Variants in KIR2DL4 observed in about 807,000 individuals in gnomAD.
KIR2DL4 encodes the protein killer cell immunoglobulin like receptor, two Ig domains and long cytoplasmic tail 4.
KIR2DL4 carries 41 observed loss-of-function variants against 31.0 expected under a neutral mutation model. That is an observed-to-expected ratio of 1.32 (90% CI 1.03 to 1.72). The LOEUF is 1.72. Among genes scored for constraint, KIR2DL4 ranks in the 40% most tolerant of loss-of-function variants. KIR2DL4 has a pLI of 0.00. For synonymous variants in KIR2DL4, 164 were observed against 133.6 expected (o/e 1.23, Z -1.57); for missense variants, 438 against 353.7 (o/e 1.24, Z -1.91).
At chr19:54,805,873 GT>G (rs2060486182) in intron 3 of KIR2DL4, 77 bp from the exon 4 acceptor site, 5 of 1,315,164 alleles carry the variant, frequency 3.8e-6, no homozygotes, top group Non-Finnish European at 5.3e-6. Flanking sequence ...GAGCAGGGCA[GT>G]GAGTTCTCAG....
intron 4 of KIR2DL4, among the ~76,000 whole-genome samples, chr19:54,808,437 C>A (rs2060655889): frequency 6.6e-6 from 1 of 151,106 alleles, no homozygotes; most frequent in South Asian, 2.1e-4. Flanking sequence ...GTTTTCCCTG[C>A]ACCATTTATT....
At chr19:54,811,674 A>G (rs2060876943) in intron 5 of KIR2DL4, among the ~76,000 whole-genome samples, 1 of 151,018 alleles carries the variant, frequency 6.6e-6, no homozygotes, top group Admixed American at 6.6e-5. Flanking sequence ...CCCCCACCTC[A>G]CCCCTACTTC....
At chr19:54,806,111 C>A in exon 4 of KIR2DL4, 3 of 1,612,184 alleles carry the variant, frequency 1.9e-6, no homozygotes, top group Non-Finnish European at 2.5e-6. Flanking sequence ...TGCCCAGCAT[C>A]AATGGAACAT....
intron 1 of KIR2DL4, 52 bp from the exon 2 acceptor site, chr19:54,803,839 A>T (rs1421876360): frequency 6.3e-7 from 1 of 1,582,906 alleles, no homozygotes; most frequent in Non-Finnish European, 8.7e-7. Context: ...GCTCAGGAGG[A>T]AAGGGTAGGT....
rs1451704730 is a variant in KIR2DL4, at chr19:54,814,307, G to A, written c.*507G>A. 42 of 621,176 alleles carry A rather than the reference G, an allele frequency of 6.8e-5. 1 individual carries two copies. The South Asian group carries it at 8.1e-4, about 12-fold the overall frequency. The allele number at this position is 621,176 out of a possible 1,614,324, so 38.5% of individuals were successfully genotyped here. A position where few individuals can be genotyped will look rare whatever the true frequency, so the allele number is the denominator to read the frequency against. ...AACTGGCTTACTTCCTAGTCTACTT[G>A]AGGCTGCAATCACACTGAGGAACTC... is the stretch of plus-strand genomic sequence containing the variant. On this transcript the variant is annotated 3_prime_UTR_variant, in exon 8 of 8. Coordinates refer to ENST00000359085, the Ensembl canonical transcript of KIR2DL4.
At chr19:54,810,846 T>A (rs1302329327) in intron 5 of KIR2DL4, among the ~76,000 whole-genome samples, 4 of 151,276 alleles carry the variant, frequency 2.6e-5, no homozygotes, top group African/African-American at 9.8e-5. Context: ...TCTAGGAGAC[T>A]GTGGAAAAGG....
Position 54,803,932 on chromosome 19 carries a change from T to C in KIR2DL4, c.76+6T>C. The C allele has an allele frequency of 6.2e-7, 1 of 1,608,226 alleles. No individual in the cohort carries two copies. Among genetic ancestry groups the C allele is most frequent in the Non-Finnish European group, 8.5e-7 (1 of 1,177,776 alleles). On this transcript the variant is annotated splice_donor_region_variant and intron_variant, in intron 2 of 7. Coordinates refer to ENST00000359085, the Ensembl canonical transcript of KIR2DL4. ...GAGTGTGTGGGCACACGTGGGTGAG[T>C]CCTTCCCCAAATGATGGGTTGCCAT... is the stretch of plus-strand genomic sequence containing the variant.
At position 54,804,647 on chromosome 19, in the gene KIR2DL4, A is replaced by G. The variant is rs1470984215; in HGVS notation, c.77-146A>G. The G allele has an allele frequency of 1.9e-5, 15 of 775,280 alleles. No individual in the cohort carries two copies. In the East Asian group the frequency reaches 2.5e-4, roughly 13 times the overall value. 48.0% of individuals were successfully genotyped at this position (775,280 alleles called of 1,614,324 possible). A position where few individuals can be genotyped will look rare whatever the true frequency, so the allele number is the denominator to read the frequency against. Reference sequence around the variant, plus strand: ...TTTGTTGTAGGGAGACGCCACGTCTATGCGGGATGGGTCCTTCCTGTAGCC... The same window carrying G: ...TTTGTTGTAGGGAGACGCCACGTCTGTGCGGGATGGGTCCTTCCTGTAGCC... On this transcript the variant is annotated intron_variant, in intron 2 of 7. Transcript: ENST00000359085.
chr19:54,803,947 T>C, intron 2 of KIR2DL4, 21 bp downstream of exon 2: 2 of 1,605,394 alleles, frequency 1.2e-6, no homozygotes, highest in South Asian at 1.1e-5. Context: ...CCCCAAATGA[T>C]GGGTTGCCAT....
chr19:54,808,219 A>ATT (rs199792884), intron 4 of KIR2DL4, among the ~76,000 whole-genome samples: 7 of 147,648 alleles, frequency 4.7e-5, no homozygotes, highest in Admixed American at 3.4e-4. Flanking sequence ...CCAATGGTCT[A>ATT]TTTTTTTGTT....
At position 54,813,125 on chromosome 19, in the gene KIR2DL4, G is replaced by A. The variant is rs2060967268; in HGVS notation, c.707G>A (p.Gly236Asp). 9 of 1,460,256 alleles carry A rather than the reference G, an allele frequency of 6.2e-6. 1 individual carries two copies. The Admixed American group carries it at 1.6e-4, about 26-fold the overall frequency. 90.5% of individuals were successfully genotyped at this position (1,460,256 alleles called of 1,614,324 possible). Residue 236 changes from glycine (G) to aspartate (D), a missense_variant and splice_region_variant, in exon 6 of 8, where the codon GGT becomes GAT. Gly to Asp is a moderately conservative substitution (Grantham distance 94, BLOSUM62 -1). Coordinates refer to ENST00000359085, the Ensembl canonical transcript of KIR2DL4. ...TTATTGGATTCCCATCTTCCTCCAGGTATCGCCAGACACCTGCATGCTGTG... is the reference window on the plus strand; with the variant it reads ...TTATTGGATTCCCATCTTCCTCCAGATATCGCCAGACACCTGCATGCTGTG...
chr19:54,814,455 C>T (rs994066186), exon 8 of KIR2DL4: 5 of 322,814 alleles, frequency 1.5e-5, no homozygotes, highest in Non-Finnish European at 2.9e-5. Flanking sequence ...ATCAGCAAAC[C>T]TTATAAAATT....
At chr19:54,805,837 AG>A in intron 3 of KIR2DL4, 113 bp from the exon 4 acceptor site, 1 of 918,632 alleles carries the variant, frequency 1.1e-6, no homozygotes, top group African/African-American at 1.7e-5. Context: ...GGAGGGTGAG[AG>A]AGAGAGAGAG....
At chr19:54,805,815 A>C in intron 3 of KIR2DL4, 136 bp from the exon 4 acceptor site, 1 of 831,142 alleles carries the variant, frequency 1.2e-6, no homozygotes, top group Non-Finnish European at 1.9e-6. Context: ...ATCGACAGGA[A>C]GAGTTGGGGG....
At chr19:54,810,610 G>A (rs879100417) in intron 5 of KIR2DL4, among the ~76,000 whole-genome samples, 2 of 151,012 alleles carry the variant, frequency 1.3e-5, no homozygotes, top group Admixed American at 6.6e-5. Context: ...AATGTTATGT[G>A]GAAGGAAGAG....
intron 5 of KIR2DL4, among the ~76,000 whole-genome samples, chr19:54,810,461 T>C (rs1334081687): frequency 6.6e-6 from 1 of 151,484 alleles, no homozygotes; most frequent in African/African-American, 2.4e-5. Context: ...ATGCTGAGTG[T>C]ATAATTTCGG....
At chr19:54,813,742 G>T in exon 7 of KIR2DL4, 4 of 1,611,750 alleles carry the variant, frequency 2.5e-6, no homozygotes, top group Non-Finnish European at 3.4e-6. Context: ...TGAACAGGGA[G>T]GTAGGTCCTC....
rs1036471380 is a variant in KIR2DL4, at chr19:54,811,266, C to T, written c.707-1859C>T. Among the ~76,000 whole-genome samples, 39 of 150,492 alleles carry T rather than the reference C, an allele frequency of 2.6e-4. 1 individual carries two copies. Among genetic ancestry groups the T allele is most frequent in the Non-Finnish European group, 5.6e-4 (38 of 67,830 alleles). On this transcript the variant is annotated intron_variant, in intron 5 of 7. Transcript: ENST00000359085. The stretch of plus-strand genomic sequence containing the variant: ...TACAAAAACTAGCTGGGGGTGGTGG[C>T]GCGTGCCTGTAATACCAGCTATTCG...
chr19:54,813,550 G>T lies in KIR2DL4; in HGVS notation c.811-140G>T, dbSNP rs1490271653. ...TGGAATGGGGTCTTGCACTCAGAGAGATGGAATGTCTGAGTCTGGCTGTTG... is the reference window on the plus strand; with the variant it reads ...TGGAATGGGGTCTTGCACTCAGAGATATGGAATGTCTGAGTCTGGCTGTTG... On this transcript the variant is annotated intron_variant, in intron 6 of 7. Coordinates refer to ENST00000359085, the Ensembl canonical transcript of KIR2DL4. 70 of 879,046 alleles carry T rather than the reference G, an allele frequency of 8.0e-5. 2 individuals carry two copies. The highest frequency in any genetic ancestry group is 1.2e-4 in the Non-Finnish European group (64 of 550,076). The allele number at this position is 879,046 out of a possible 1,614,324, so 54.5% of individuals were successfully genotyped here.
Sources: gnomAD v4.1 joint callset for allele counts (sites outside exome capture counted in the v4.1 genomes callset) on GRCh38, gnomAD v4.1.1 for gene constraint, MANE v1.5 for transcripts, NCBI Gene and HGNC (gene_info 2026-07-23, HGNC 2026-07-21) for gene names.